NPHP1: variants seen among roughly 807,000 people sequenced by gnomAD.
The protein encoded by NPHP1 is nephrocystin-1.
A neutral mutation model predicts 90.4 loss-of-function variants in NPHP1; 70 were observed. That is an observed-to-expected ratio of 0.77 (90% CI 0.64 to 0.95). The LOEUF is 0.95. Among genes scored for constraint, NPHP1 ranks in the 40% least tolerant of loss-of-function variants. The pLI is 0.00. For missense variants in NPHP1, 764 were observed against 795.9 expected (o/e 0.96, Z 0.48); for synonymous variants, 256 against 271.7 (o/e 0.94, Z 0.57).
At position 110,143,596 on chromosome 2, in the gene NPHP1, G is replaced by A; in HGVS notation, c.1475C>T (p.Pro492Leu). 1 of 1,613,792 alleles carries A rather than the reference G, an allele frequency of 6.2e-7. No individual in the cohort carries two copies. The highest frequency in any genetic ancestry group is 8.5e-7 in the Non-Finnish European group (1 of 1,179,748). Residue 492 changes from proline (P) to leucine (L), a missense_variant, in exon 16 of 20, where the codon CCT becomes CTT. Transcript: ENST00000445609. ...FYQIMTMRRQPQLLVKLRSLN... is the reference protein window; with the variant it reads ...FYQIMTMRRQLQLLVKLRSLN... ...GGATCTCAGTTTCACTAGAAGTTGA[G>A]GCTGCCTTCTCATTGTCATAATCTG... is the stretch of plus-strand genomic sequence containing the variant.
rs111449553 is a variant in NPHP1 at position 110,135,681 on chromosome 2, A to G, written c.1530-3890T>C. Among the ~76,000 whole-genome samples, 62 of 152,228 alleles carry G rather than the reference A, an allele frequency of 4.1e-4. 1 individual carries two copies. Among genetic ancestry groups the G allele is most frequent in the African/African-American group, 1.4e-3 (57 of 41,550 alleles). ...CATTAAGCATGAGGAAGGACCATAT[A>G]GAAAATCTCAAAAACCTTACAAATG... On this transcript the variant is annotated intron_variant, in intron 16 of 19. Coordinates refer to ENST00000445609, the MANE Select transcript of NPHP1 (RefSeq NM_001128178.3).
chr2:110,202,482 G>A, intron 1 of NPHP1: 1 of 453,750 alleles, frequency 2.2e-6, no homozygotes, highest in Middle Eastern at 3.3e-4. Context: ...GGTGTCCTCT[G>A]TGAAGACAGG....
intron 2 of NPHP1, among the ~76,000 whole-genome samples, chr2:110,198,089 A>G (rs1685291311): frequency 6.6e-6 from 1 of 152,136 alleles, no homozygotes; most frequent in Non-Finnish European, 1.5e-5. Context: ...AAAGAAGGAA[A>G]GAAGGACAAC....
At chr2:110,146,630 A>T in intron 14 of NPHP1, 123 bp downstream of exon 14, 1 of 741,636 alleles carries the variant, frequency 1.3e-6, no homozygotes, top group Non-Finnish European at 2.5e-6. Context: ...ACTAAAGTCA[A>T]CATAAAAAGT....
chr2:110,194,528 C>CA (rs1685005892), intron 2 of NPHP1, among the ~76,000 whole-genome samples: 1 of 151,764 alleles, frequency 6.6e-6, no homozygotes, highest in Non-Finnish European at 1.5e-5. Context: ...GCTTACCAAC[C>CA]AAAAAAAGTC....
chr2:110,176,593 A>G (rs1467871095), intron 4 of NPHP1, among the ~76,000 whole-genome samples: 1 of 152,146 alleles, frequency 6.6e-6, no homozygotes, highest in East Asian at 1.9e-4. Flanking sequence ...GAAATTTTAA[A>G]TTATTTTAAT....
At chr2:110,155,622 A>G (rs967112055) in intron 11 of NPHP1, among the ~76,000 whole-genome samples, 5 of 152,174 alleles carry the variant, frequency 3.3e-5, no homozygotes, top group Non-Finnish European at 7.4e-5. Flanking sequence ...CATGGAGTCA[A>G]AGGAGATCAT....
intron 18 of NPHP1, chr2:110,128,649 G>A (rs891374593): frequency 6.3e-6 from 1 of 158,650 alleles, no homozygotes; most frequent in African/African-American, 2.4e-5. Context: ...CACTTGTGAT[G>A]TTACCTGTGT....
intron 2 of NPHP1, among the ~76,000 whole-genome samples, chr2:110,201,192 G>C (rs1268465309): frequency 1.3e-5 from 2 of 152,244 alleles, no homozygotes; most frequent in East Asian, 3.9e-4. Flanking sequence ...TAAGGATTTA[G>C]GGTAATCCTG....
At chr2:110,149,643 A>G (rs1681318504) in intron 12 of NPHP1, among the ~76,000 whole-genome samples, 1 of 152,192 alleles carries the variant, frequency 6.6e-6, no homozygotes, top group South Asian at 2.1e-4. Flanking sequence ...AAGGAAGTAA[A>G]TACTAAATTA....
intron 14 of NPHP1, among the ~76,000 whole-genome samples, chr2:110,144,984 G>C (rs1020907358): frequency 1.3e-5 from 2 of 151,996 alleles, no homozygotes; most frequent in African/African-American, 4.8e-5. Flanking sequence ...AAAGTAACGT[G>C]TAGATTATTA....
chr2:110,173,738 T>A (rs1053923475), intron 4 of NPHP1, among the ~76,000 whole-genome samples: 1 of 152,158 alleles, frequency 6.6e-6, no homozygotes, highest in Non-Finnish European at 1.5e-5. Context: ...ATGATGTTTG[T>A]ACAATGATGA....
chr2:110,125,135 A>G (rs1437717105), intron 19 of NPHP1: 8 of 1,489,374 alleles, frequency 5.4e-6, no homozygotes, highest in Non-Finnish European at 7.1e-6. Flanking sequence ...TTTTCCATCT[A>G]TAGCCCTTCC....
At position 110,161,614 on chromosome 2, in the gene NPHP1, T is replaced by G; in HGVS notation, c.943A>C (p.Thr315Pro). Residue 315 changes from threonine (T) to proline (P), a missense_variant, in exon 10 of 20, where the codon ACA (threonine) becomes CCA (proline). Coordinates refer to ENST00000445609, the MANE Select transcript of NPHP1 (RefSeq NM_001128178.3). ...GTAACTATACTTACAGTGCCTTCTG[T>G]AGCATCCCACATCAGATCTCTGAAG... is the stretch of plus-strand genomic sequence containing the variant. ...LAFRDLMWDA[T>P]EGTIRSRPSR... 6.2e-7 allele frequency: 1 copy of G among 1,606,200 alleles called. No individual in the cohort carries two copies.
intron 12 of NPHP1, among the ~76,000 whole-genome samples, 162 bp downstream of exon 12, chr2:110,150,020 T>C (rs911540013): frequency 6.6e-6 from 1 of 152,218 alleles, no homozygotes; most frequent in African/African-American, 2.4e-5. Context: ...ATTACTAACA[T>C]TGGTGAGTCA....
rs992133200 is a variant in NPHP1 at position 110,187,824 on chromosome 2, A to T, written c.144-8140T>A. Among the ~76,000 whole-genome samples the T allele has an allele frequency of 5.4e-4, 83 of 152,294 alleles. 1 individual carries two copies. The highest frequency in any genetic ancestry group is 9.7e-4 in the Non-Finnish European group (66 of 68,018). ...ATCAAAAAGCTTATCTACCATGATCAAGTTGGCTTCATCCCCAGGATGAAA... is the reference window on the plus strand; with the variant it reads ...ATCAAAAAGCTTATCTACCATGATCTAGTTGGCTTCATCCCCAGGATGAAA... On this transcript the variant is annotated intron_variant, in intron 2 of 19. Coordinates refer to ENST00000445609, the MANE Select transcript of NPHP1 (RefSeq NM_001128178.3).
chr2:110,151,266 A>G (rs1681454042), intron 11 of NPHP1, among the ~76,000 whole-genome samples: 2 of 151,968 alleles, frequency 1.3e-5, no homozygotes, highest in South Asian at 4.2e-4. Flanking sequence ...GTTCAGATAC[A>G]GTTATATTTT....
intron 4 of NPHP1, among the ~76,000 whole-genome samples, chr2:110,177,556 G>T (rs1683586976): frequency 6.6e-6 from 1 of 151,902 alleles, no homozygotes; most frequent in African/African-American, 2.4e-5. Flanking sequence ...TCCAGATTAG[G>T]GATGCTCAAC....
intron 2 of NPHP1, among the ~76,000 whole-genome samples, chr2:110,197,064 G>T (rs1437341429): frequency 6.6e-6 from 1 of 152,180 alleles, no homozygotes; most frequent in Non-Finnish European, 1.5e-5. Flanking sequence ...TCACTTATAA[G>T]TGGGAGCTGA....
Sources: gnomAD v4.1 joint callset for allele counts (sites outside exome capture counted in the v4.1 genomes callset) on GRCh38, gnomAD v4.1.1 for gene constraint, MANE v1.5 for transcripts, NCBI Gene and HGNC (gene_info 2026-07-23, HGNC 2026-07-21) for gene names.